DPP6: variants seen among roughly 807,000 people sequenced by gnomAD.
DPP6 encodes the protein dipeptidyl peptidase like 6.
A neutral mutation model predicts 122.6 loss-of-function variants in DPP6; 69 were observed. The ratio of observed to expected loss-of-function variants is 0.56; its 90% CI spans 0.46 to 0.69. The LOEUF (loss-of-function observed/expected upper bound fraction) is 0.69. Ranked by LOEUF, DPP6 falls within the 30% of genes least tolerant of loss-of-function variation. The pLI is 0.00. For missense variants in DPP6, 928 were observed against 1,116.9 expected, an observed-to-expected ratio of 0.83 and a Z score of 2.41; for synonymous variants, 418 against 433.1, an observed-to-expected ratio of 0.97 and a Z score of 0.43.
intron 1 of DPP6, among the ~76,000 whole-genome samples, chr7:154,125,575 G>A (rs185735840): frequency 1.1e-4 from 17 of 152,252 alleles, no homozygotes; most frequent in South Asian, 2.1e-4. Context: ...GGAAGTCATC[G>A]TTCTAACACC....
chr7:153,957,010 A>G (rs1802492107), intron 1 of DPP6, among the ~76,000 whole-genome samples: 1 of 150,618 alleles, frequency 6.6e-6, no homozygotes, highest in African/African-American at 2.4e-5. Context: ...ATAATAAGTT[A>G]TAAGAAAGAA....
chr7:154,137,729 C>A (rs1231601909), intron 1 of DPP6, among the ~76,000 whole-genome samples: 2 of 151,420 alleles, frequency 1.3e-5, no homozygotes, highest in Non-Finnish European at 2.9e-5. Flanking sequence ...ACACATCTTC[C>A]CTGCTGAAGA....
intron 1 of DPP6, chr7:153,968,821 G>A (rs550627167): frequency 4.0e-5 from 6 of 149,830 alleles, no homozygotes; most frequent in East Asian, 1.9e-4. Context: ...CTATCATTCC[G>A]CGCAACTATC....
chr7:154,247,452 AC>A (rs1294038342), intron 1 of DPP6, among the ~76,000 whole-genome samples: 1 of 152,240 alleles, frequency 6.6e-6, no homozygotes, highest in Non-Finnish European at 1.5e-5. Context: ...TTGAACAGGC[AC>A]TTTACCAAAG....
intron 1 of DPP6, chr7:154,026,785 T>C (rs948744037): frequency 6.6e-6 from 1 of 152,178 alleles, no homozygotes; most frequent in East Asian, 1.9e-4. Context: ...ATAACAAAGC[T>C]TATTATAAAC....
intron 16 of DPP6, among the ~76,000 whole-genome samples, chr7:154,835,620 AG>A (rs1800987576): frequency 6.6e-6 from 1 of 152,182 alleles, no homozygotes; most frequent in Admixed American, 6.5e-5. Flanking sequence ...ACACATTCTC[AG>A]GCCCCAATCA....
chr7:154,184,152 G>A (rs1798237401), intron 1 of DPP6, among the ~76,000 whole-genome samples: 1 of 151,806 alleles, frequency 6.6e-6, no homozygotes, highest in South Asian at 2.1e-4. Context: ...GGCACAGTGA[G>A]GACCCTCAGC....
chr7:153,838,344 TAGG>T, the DPP6 span, among the ~76,000 whole-genome samples: 1 of 152,164 alleles, frequency 6.6e-6, no homozygotes, highest in South Asian at 2.1e-4. Flanking sequence ...TCCTCCATGC[TAGG>T]CTGTCCTCTG....
intron 16 of DPP6, among the ~76,000 whole-genome samples, chr7:154,810,174 T>C (rs993692362): frequency 6.6e-6 from 1 of 152,222 alleles, no homozygotes; most frequent in African/African-American, 2.4e-5. Context: ...ACAAACACTT[T>C]CGCTGCTTCC....
intron 1 of DPP6, among the ~76,000 whole-genome samples, chr7:154,105,658 C>T (rs781262994): frequency 9.9e-4 from 151 of 151,892 alleles, no homozygotes; most frequent in Middle Eastern, 3.4e-3. Flanking sequence ...CTTTCCTGTG[C>T]TGTTCTCATG....
chr7:154,268,287 C>T (rs1466989395), intron 1 of DPP6, among the ~76,000 whole-genome samples: 4 of 152,160 alleles, frequency 2.6e-5, no homozygotes, highest in Non-Finnish European at 4.4e-5. Flanking sequence ...GCTCCCACAA[C>T]AAAATACCGT....
At chr7:153,913,361 C>G (rs1441077904) in intron 1 of DPP6, among the ~76,000 whole-genome samples, 2 of 152,206 alleles carry the variant, frequency 1.3e-5, no homozygotes, top group Non-Finnish European at 2.9e-5. Context: ...GCGTGAGCCA[C>G]TGCACCCGGC....
At chr7:153,925,956 TTGA>T (rs1800878891) in intron 1 of DPP6, among the ~76,000 whole-genome samples, 1 of 152,192 alleles carries the variant, frequency 6.6e-6, no homozygotes. Context: ...ATGGCATCCC[TTGA>T]TGATTCCTGC....
chr7:154,082,463 TC>T (rs1804087664), intron 1 of DPP6, among the ~76,000 whole-genome samples: 1 of 151,900 alleles, frequency 6.6e-6, no homozygotes, highest in South Asian at 2.1e-4. Context: ...GAGAGTCAAA[TC>T]CCAGTTATTG....
rs71182888 is a variant in DPP6 at position 154,245,635 on chromosome 7, C to CAAAAAAA, written c.243+192583_243+192589dup. ...CTGGGCAACAAGAGTAAGACTGTCT[C>CAAAAAAA]AAAAAAAAAAAAAAAAAGCTATGGC... On this transcript the variant is annotated intron_variant, in intron 1 of 25. Coordinates refer to ENST00000377770, the MANE Select transcript of DPP6 (RefSeq NM_130797.4). Among the ~76,000 whole-genome samples the CAAAAAAA allele has an allele frequency of 9.9e-5, 10 of 100,664 alleles. 1 individual carries two copies. The highest frequency in any genetic ancestry group is 1.4e-4 in the Non-Finnish European group (7 of 50,954). 66.0% of individuals were successfully genotyped at this position (100,664 alleles called of 152,430 possible).
chr7:153,922,166 AC>A (rs1183338917), intron 1 of DPP6, among the ~76,000 whole-genome samples: 35 of 152,182 alleles, frequency 2.3e-4, no homozygotes, highest in Admixed American at 5.2e-4. Flanking sequence ...GCTCATACAA[AC>A]TGTAAACCCA....
At chr7:154,254,698 T>C (rs532357116) in intron 1 of DPP6, among the ~76,000 whole-genome samples, 1 of 152,208 alleles carries the variant, frequency 6.6e-6, no homozygotes, top group East Asian at 1.9e-4. Context: ...CTAGAAGACT[T>C]AAGAACAGGG....
rs547039104 is a variant in DPP6, at chr7:154,823,307, C to T, written c.1666+16195C>T. Among the ~76,000 whole-genome samples, 4 of 152,282 alleles carry T rather than the reference C, an allele frequency of 2.6e-5. No individual in the cohort carries two copies. The South Asian group carries it at 8.3e-4, about 32-fold the overall frequency. The stretch of plus-strand genomic sequence containing the variant: ...TGCAGTTTGACCCAGGAGTTTGATG[C>T]TGTGGTGAACTATGATGGCACCACT... On this transcript the variant is annotated intron_variant, in intron 16 of 25. Coordinates refer to ENST00000377770, the MANE Select transcript of DPP6 (RefSeq NM_130797.4).
At chr7:154,517,111 T>C (rs960606431) in intron 3 of DPP6, among the ~76,000 whole-genome samples, 1 of 152,128 alleles carries the variant, frequency 6.6e-6, no homozygotes, top group Non-Finnish European at 1.5e-5. Flanking sequence ...TGGGAGATGG[T>C]GAAGAAAGTG....
Sources: allele counts gnomAD v4.1 joint callset (sites outside exome capture counted in the v4.1 genomes callset), GRCh38; gene constraint gnomAD v4.1.1; transcripts MANE v1.5; gene names NCBI Gene and HGNC (gene_info 2026-07-23, HGNC 2026-07-21).